ERBB2: variants seen among roughly 807,000 people sequenced by gnomAD.
The protein encoded by ERBB2 is receptor tyrosine-protein kinase erbB-2.
Under a neutral mutation model 149.0 loss-of-function variants are expected in ERBB2, and 61 were observed. That is an observed-to-expected ratio of 0.41 (90% CI 0.33 to 0.51). The LOEUF is 0.51. Among genes scored for constraint, ERBB2 ranks in the 20% least tolerant of loss-of-function variants. The pLI, the probability that ERBB2 is intolerant of heterozygous loss-of-function variation, is 0.25. For missense variants in ERBB2, 1,205 were observed against 1,655.1 expected, an observed-to-expected ratio of 0.73 and a Z score of 4.72; for synonymous variants, 633 against 678.8, an observed-to-expected ratio of 0.93 and a Z score of 1.05.
chr17:39,688,136 T>C, exon 1 of ERBB2: 1 of 988,896 alleles, frequency 1.0e-6, no homozygotes, highest in Non-Finnish European at 1.3e-6. Context: ...CAGTTTAAAT[T>C]AAAGTTCCCG....
chr17:39,724,272 A>ATTTTTTTTTTTTTTTTTTTTTTTTTTTT lies in ERBB2; in HGVS notation c.2307+278_2307+279insTTTTTTTTTTTTTTTTTTTTTTTTTTTT, dbSNP rs71149796. Among the ~76,000 whole-genome samples the ATTTTTTTTTTTTTTTTTTTTTTTTTTTT allele has an allele frequency of 4.4e-4, 34 of 76,998 alleles. 12 individuals are homozygous for ATTTTTTTTTTTTTTTTTTTTTTTTTTTT. Among genetic ancestry groups the ATTTTTTTTTTTTTTTTTTTTTTTTTTTT allele is most frequent in the South Asian group, 1.2e-3 (2 of 1,666 alleles). 50.5% of individuals were successfully genotyped at this position (76,998 alleles called of 152,430 possible). Reference sequence around the variant, plus strand: ...TAGCTGGGATTACAAGCGCCCGCTAATTTTTTTTTTTTTTTTGAGACAGAG... The same window carrying ATTTTTTTTTTTTTTTTTTTTTTTTTTTT: ...TAGCTGGGATTACAAGCGCCCGCTAATTTTTTTTTTTTTTTTTTTTTTTTTTTTTTTTTTTTTTTTTTTTGAGACAGAG... On this transcript the variant is annotated intron_variant, in intron 19 of 26. Coordinates refer to ENST00000269571, the MANE Select transcript of ERBB2 (RefSeq NM_004448.4).
At position 39,725,919 on chromosome 17, in the gene ERBB2, A is replaced by C. The variant is rs1201655967; in HGVS notation, c.2872+66A>C. On this transcript the variant is annotated intron_variant, in intron 23 of 26. Coordinates refer to ENST00000269571, the MANE Select transcript of ERBB2 (RefSeq NM_004448.4). The surrounding 1 kb of genome is among the most constrained non-coding windows in gnomAD (Gnocchi z 4.6). ...GAGGTCCTGGGTGGAGGAGCCCACA[A>C]GGGGCATGAAAGGGGACCAGGATGT... is the stretch of plus-strand genomic sequence containing the variant. 1 of 1,568,126 alleles carries C rather than the reference A, an allele frequency of 6.4e-7. No homozygotes were observed. Among genetic ancestry groups the C allele is most frequent in the African/African-American group, 1.4e-5 (1 of 73,414 alleles).
At position 39,726,257 on chromosome 17, in the gene ERBB2, G is replaced by A; in HGVS notation, c.2873-305G>A. The A allele has an allele frequency of 2.2e-6, 1 of 448,934 alleles. No individual in the cohort carries two copies. Among genetic ancestry groups the A allele is most frequent in the Non-Finnish European group, 4.0e-6 (1 of 247,380 alleles). 27.8% of individuals were successfully genotyped at this position (448,934 alleles called of 1,614,324 possible). On this transcript the variant is annotated intron_variant, in intron 23 of 26. Transcript: ENST00000269571. This position sits in a 1 kb window ranked among gnomAD's most constrained non-coding sequence, Gnocchi z 5.1. ...AGGCTGAGGCAGGAAGATCACTTGAGCCTAGTTTAAGGTTGCAGTAAGCTA... is the reference window on the plus strand; with the variant it reads ...AGGCTGAGGCAGGAAGATCACTTGAACCTAGTTTAAGGTTGCAGTAAGCTA...
rs2059731159 is a variant in ERBB2, at chr17:39,725,920, G to A, written c.2872+67G>A. On this transcript the variant is annotated intron_variant, in intron 23 of 26. Transcript: ENST00000269571. The surrounding 1 kb of genome is among the most constrained non-coding windows in gnomAD (Gnocchi z 4.6). ...AGGTCCTGGGTGGAGGAGCCCACAA[G>A]GGGCATGAAAGGGGACCAGGATGTA... 6.4e-7 allele frequency: 1 copy of A among 1,569,378 alleles called. No homozygotes were observed. Among genetic ancestry groups the A allele is most frequent in the Non-Finnish European group, 8.7e-7 (1 of 1,149,648 alleles).
At chr17:39,724,436 T>C (rs1170636480) in intron 19 of ERBB2, among the ~76,000 whole-genome samples, 1 of 151,764 alleles carries the variant, frequency 6.6e-6, no homozygotes, top group Non-Finnish European at 1.5e-5. Context: ...ATTTTTGTAT[T>C]TTTAGTAGAG....
chr17:39,710,252 G>A (rs2145510465), intron 6 of ERBB2, 51 bp downstream of exon 6: 3 of 1,607,532 alleles, frequency 1.9e-6, no homozygotes, highest in Non-Finnish European at 2.6e-6. Flanking sequence ...AGGATGCAAG[G>A]GGTGGGCACC....
At chr17:39,711,152 G>A (rs1486620875) in intron 7 of ERBB2, among the ~76,000 whole-genome samples, 12 of 151,172 alleles carry the variant, frequency 7.9e-5, no homozygotes, top group Non-Finnish European at 1.6e-4. Flanking sequence ...CACCTGCCTC[G>A]GCCTCTGAAA....
At chr17:39,697,353 T>G (rs1381576981), upstream of ERBB2, among the ~76,000 whole-genome samples, 156 of 147,226 alleles carry the variant, frequency 1.1e-3, no homozygotes, top group African/African-American at 3.8e-3. Flanking sequence ...TTTTTTGTTT[T>G]GTTTTTTTTT....
intron 2 of ERBB2, among the ~76,000 whole-genome samples, chr17:39,689,725 G>A (rs949974143): frequency 6.6e-6 from 1 of 152,046 alleles, no homozygotes; most frequent in African/African-American, 2.4e-5. Context: ...GACCAACATG[G>A]AGAAACCCCA....
intron 1 of ERBB2, among the ~76,000 whole-genome samples, chr17:39,704,432 G>A (rs1441857111): frequency 1.3e-5 from 2 of 152,158 alleles, no homozygotes; most frequent in East Asian, 1.9e-4. Flanking sequence ...AATTAGCCAG[G>A]TGTGGTGTCA....
At chr17:39,719,763 T>G (rs764842715) in intron 15 of ERBB2, 24 bp from the exon 16 acceptor site, 1 of 1,613,704 alleles carries the variant, frequency 6.2e-7, no homozygotes, top group East Asian at 2.2e-5. Context: ...CCCAGAATTG[T>G]TGATGAGACT....
intron 13 of ERBB2, 32 bp downstream of exon 13, chr17:39,716,465 G>A: frequency 6.2e-7 from 1 of 1,613,176 alleles, no homozygotes; most frequent in Non-Finnish European, 8.5e-7. Context: ...GTGGCTGGAG[G>A]GGTGCATGGG....
In ERBB2 at chr17:39,727,086, C is replaced by T. The variant is rs550822656; in HGVS notation, c.3159+83C>T. The T allele has an allele frequency of 1.5e-6, 2 of 1,347,152 alleles. No individual in the cohort carries two copies. The highest frequency in any genetic ancestry group is 1.5e-5 in the African/African-American group (1 of 68,562). The allele number at this position is 1,347,152 out of a possible 1,614,324, so 83.4% of individuals were successfully genotyped here. On this transcript the variant is annotated intron_variant, in intron 25 of 26. Coordinates refer to ENST00000269571, the MANE Select transcript of ERBB2 (RefSeq NM_004448.4). This position sits in a 1 kb window ranked among gnomAD's most constrained non-coding sequence, Gnocchi z 4.3. ...ACTAGGGTCCCTTTCTCTGATGTTC[C>T]CTCAACTGTCACCTCTCAAGGAAAC...
Position 39,726,583 on chromosome 17 carries a change from G to T in ERBB2, c.2894G>T (p.Cys965Phe). Residue 965 changes from cysteine (C) to phenylalanine (F), a missense_variant, in exon 24 of 27, where the codon TGT (cysteine) becomes TTT (phenylalanine). Transcript: ENST00000269571. This position sits in a 1 kb window ranked among gnomAD's most constrained non-coding sequence, Gnocchi z 5.1. Reference sequence around the variant, plus strand: ...CCAGGTTGGATGATTGACTCTGAATGTCGGCCAAGATTCCGGGAGTTGGTG... The same window carrying T: ...CCAGGTTGGATGATTGACTCTGAATTTCGGCCAAGATTCCGGGAGTTGGTG... Reference protein sequence around the residue: ...MVKCWMIDSECRPRFRELVSE... With the variant: ...MVKCWMIDSEFRPRFRELVSE... The T allele has an allele frequency of 6.2e-7, 1 of 1,614,182 alleles. No individual in the cohort carries two copies. The highest frequency in any genetic ancestry group is 8.5e-7 in the Non-Finnish European group (1 of 1,180,012).
chr17:39,700,097 C>G lies in ERBB2; in HGVS notation c.-142C>G, dbSNP rs1410006819. On this transcript the variant is annotated 5_prime_UTR_variant, in exon 1 of 27. Transcript: ENST00000269571. Reference sequence around the variant, plus strand: ...TTGGGACCGGAGAAACCAGGGGAGCCCCCCGGGCAGCCGCGCGCCCCTTCC... The same window carrying G: ...TTGGGACCGGAGAAACCAGGGGAGCGCCCCGGGCAGCCGCGCGCCCCTTCC... 2.3e-6 allele frequency: 3 copies of G among 1,283,132 alleles called. No homozygotes were observed. Among genetic ancestry groups the G allele is most frequent in the Middle Eastern group, 3.0e-4 (1 of 3,376 alleles). The allele number at this position is 1,283,132 out of a possible 1,614,324, so 79.5% of individuals were successfully genotyped here.
chr17:39,696,559 G>A (rs1016960542), upstream of ERBB2: 14 of 152,396 alleles, frequency 9.2e-5, no homozygotes, highest in African/African-American at 3.4e-4. Flanking sequence ...GGGCTCTTGA[G>A]GGTAATGGGT....
At chr17:39,703,950 G>A (rs1176981554) in intron 1 of ERBB2, among the ~76,000 whole-genome samples, 1 of 152,234 alleles carries the variant, frequency 6.6e-6, no homozygotes, top group Non-Finnish European at 1.5e-5. Context: ...CTGCAAGCTG[G>A]TGGGGAGGAG....
chr17:39,724,933 A>G (rs2145855588), intron 20 of ERBB2, 22 bp downstream of exon 20: 1 of 1,611,796 alleles, frequency 6.2e-7, no homozygotes, highest in Non-Finnish European at 8.5e-7. Flanking sequence ...GGCTCTTTGC[A>G]GGTCTCTCCG....
intron 2 of ERBB2, chr17:39,708,092 G>C (rs963759791): frequency 5.2e-5 from 25 of 484,406 alleles, no homozygotes; most frequent in Non-Finnish European, 8.8e-5. Flanking sequence ...CACCTGTTCG[G>C]AGTTTATGAA....
Sources: gnomAD v4.1 joint callset for allele counts (sites outside exome capture counted in the v4.1 genomes callset) on GRCh38, gnomAD v4.1.1 for gene constraint, Gnocchi (gnomAD v3.1) non-coding constraint, MANE v1.5 for transcripts, NCBI Gene and HGNC (gene_info 2026-07-23, HGNC 2026-07-21) for gene names.